Variants in PI4KA observed in about 807,000 individuals in gnomAD.
PI4KA encodes the protein phosphatidylinositol 4-kinase alpha, also known as PI4-kinase alpha.
In PI4KA, 122 loss-of-function variants were observed where a neutral mutation model predicts 271.4. The ratio of observed to expected loss-of-function variants is 0.45; its 90% confidence interval spans 0.39 to 0.52. The LOEUF is 0.52. Among genes scored for constraint, PI4KA ranks in the 20% least tolerant of loss-of-function variants. PI4KA has a pLI of 0.00. For synonymous variants in PI4KA, 1,041 were observed against 1,078.8 expected, an observed-to-expected ratio of 0.96 and a Z score of 0.69; for missense variants, 1,969 against 2,769.1, an observed-to-expected ratio of 0.71 and a Z score of 6.48.
intron 1 of PI4KA, among the ~76,000 whole-genome samples, chr22:20,850,438 A>AT (rs1457114185): frequency 2.8e-5 from 4 of 141,222 alleles, no homozygotes; most frequent in East Asian, 2.2e-4. Context: ...ATAAATACTC[A>AT]TTTAAAAAAA....
At chr22:20,708,434 C>G (rs1924794074) in intron 54 of PI4KA, among the ~76,000 whole-genome samples, 1 of 150,414 alleles carries the variant, frequency 6.6e-6, no homozygotes, top group African/African-American at 2.5e-5. Context: ...CCCTTCTCGC[C>G]CTGCCCCAGC....
chr22:20,799,594 A>T (rs1471595167), intron 15 of PI4KA, 77 bp downstream of exon 15: 1 of 976,144 alleles, frequency 1.0e-6, no homozygotes, highest in Admixed American at 2.0e-5. Context: ...AGGCATGCAT[A>T]CGCACAATGC....
chr22:20,827,177 T>C (rs4822560), intron 3 of PI4KA, among the ~76,000 whole-genome samples: 16,894 of 152,272 alleles, frequency 0.11, 1,315 homozygotes, highest in Admixed American at 0.23. Context: ...AGGGTGTTTA[T>C]AGTTTAAGGT....
chr22:20,726,332 A>G (rs2147223163), intron 42 of PI4KA, 156 bp downstream of exon 42: 2 of 560,178 alleles, frequency 3.6e-6, no homozygotes, highest in African/African-American at 4.0e-5. Context: ...AGGGACAATC[A>G]CAGGGCCTGG....
At position 20,799,131 on chromosome 22, in the gene PI4KA, T is replaced by G; in HGVS notation, c.1966A>C (p.Ile656Leu). ...CQPPSPLDVLIIDQLGCLVIT... is the reference protein window; with the variant it reads ...CQPPSPLDVLLIDQLGCLVIT... The stretch of plus-strand genomic sequence containing the variant: ...ACCAGGCAGCCCAGCTGGTCAATAA[T>G]CAGCACATCGAGGGGGGAGGGTGGC... Residue 656 changes from isoleucine to leucine, a missense_variant, in exon 16 of 55, where the codon ATT becomes CTT. This residue lies in a region of PI4KA where 228 missense variants were observed against 261.6 expected (regional missense o/e 0.87). Transcript: ENST00000255882. 3 of 1,613,492 alleles carry G rather than the reference T, an allele frequency of 1.9e-6. No individual in the cohort carries two copies. Among genetic ancestry groups the G allele is most frequent in the Non-Finnish European group, 2.5e-6 (3 of 1,179,792 alleles).
At chr22:20,828,487 G>A (rs917394851) in intron 3 of PI4KA, among the ~76,000 whole-genome samples, 2 of 152,088 alleles carry the variant, frequency 1.3e-5, no homozygotes, top group African/African-American at 4.8e-5. Context: ...TGATGGCTAT[G>A]GGTTTGTCAT....
At chr22:20,830,552 T>C (rs975837840) in intron 3 of PI4KA, among the ~76,000 whole-genome samples, 3 of 152,188 alleles carry the variant, frequency 2.0e-5, no homozygotes, top group Non-Finnish European at 4.4e-5. Context: ...TATGTGGGAT[T>C]GGTCTCTTAA....
chr22:20,858,768 G>T lies in PI4KA; in HGVS notation c.-43C>A, dbSNP rs1928007892. Reference sequence around the variant, plus strand: ...CGCTGCCCGCCGGCTCCCCGCTCCTGGCCCGCGAGCGCCCGACCTCAGGGC... The same window carrying T: ...CGCTGCCCGCCGGCTCCCCGCTCCTTGCCCGCGAGCGCCCGACCTCAGGGC... On this transcript the variant is annotated 5_prime_UTR_variant, in exon 1 of 55. Transcript: ENST00000255882. The T allele has an allele frequency of 7.3e-7, 1 of 1,371,098 alleles. No individual in the cohort carries two copies. Among genetic ancestry groups the T allele is most frequent in the Non-Finnish European group, 9.4e-7 (1 of 1,058,528 alleles). The allele number at this position is 1,371,098 out of a possible 1,614,324, so 84.9% of individuals were successfully genotyped here. A position where few individuals can be genotyped will look rare whatever the true frequency, so the allele number is the denominator to read the frequency against.
chr22:20,806,109 G>A (rs1019632555), intron 10 of PI4KA, among the ~76,000 whole-genome samples: 3 of 152,058 alleles, frequency 2.0e-5, no homozygotes, highest in African/African-American at 7.3e-5. Context: ...CCCTTGCCGT[G>A]GCCCAGATGA....
chr22:20,736,103 C>G (rs945120114), intron 32 of PI4KA, among the ~76,000 whole-genome samples: 2 of 151,998 alleles, frequency 1.3e-5, no homozygotes, highest in Non-Finnish European at 2.9e-5. Flanking sequence ...TGCGAGTGAG[C>G]GTGTGACAGA....
At chr22:20,839,340 C>T (rs1330333887) in intron 1 of PI4KA, among the ~76,000 whole-genome samples, 3 of 152,156 alleles carry the variant, frequency 2.0e-5, no homozygotes, top group African/African-American at 7.2e-5. Context: ...CAATTGTACA[C>T]GTGCCCCTCA....
chr22:20,712,838 C>A lies in PI4KA; in HGVS notation c.5572-41G>T, dbSNP rs1243739650. 3 of 1,550,700 alleles carry A rather than the reference C, an allele frequency of 1.9e-6. No homozygotes were observed. In the South Asian group the frequency reaches 3.6e-5, roughly 18 times the overall value. On this transcript the variant is annotated intron_variant, in intron 48 of 54. Transcript: ENST00000255882. ...GCGCAGGATGCGGTCAGTTGGCGTC[C>A]TTGCACCCCAGCAGCTCTTCTGGCT...
intron 47 of PI4KA, 115 bp downstream of exon 47, chr22:20,714,343 G>A: frequency 1.3e-6 from 2 of 1,500,150 alleles, no homozygotes; most frequent in Non-Finnish European, 8.9e-7. Flanking sequence ...GCAGACAGAT[G>A]GACAGACATC....
intron 32 of PI4KA, among the ~76,000 whole-genome samples, chr22:20,740,207 T>C (rs1218221682): frequency 6.6e-6 from 1 of 151,302 alleles, no homozygotes; most frequent in African/African-American, 2.4e-5. Context: ...ATATACAAGA[T>C]GGTTTTACAG....
At chr22:20,716,348 G>T (rs753194192) in intron 45 of PI4KA, among the ~76,000 whole-genome samples, 7 of 152,246 alleles carry the variant, frequency 4.6e-5, no homozygotes, top group African/African-American at 1.7e-4. Flanking sequence ...CACCGCACCC[G>T]GCCCAGGCTC....
At chr22:20,826,863 A>G (rs1320988411) in intron 3 of PI4KA, among the ~76,000 whole-genome samples, 1 of 151,704 alleles carries the variant, frequency 6.6e-6, no homozygotes, top group Non-Finnish European at 1.5e-5. Flanking sequence ...TCTTTTGAGA[A>G]GTATCTATTC....
chr22:20,807,337 A>G, intron 10 of PI4KA, 25 bp downstream of exon 10: 1 of 1,476,150 alleles, frequency 6.8e-7, no homozygotes, highest in Non-Finnish European at 9.5e-7. Context: ...CTGTACTCAC[A>G]AACACATGGG....
chr22:20,815,745 C>T (rs1299197607), intron 7 of PI4KA, among the ~76,000 whole-genome samples: 3 of 151,842 alleles, frequency 2.0e-5, no homozygotes, highest in Non-Finnish European at 4.4e-5. Context: ...GAGAAACAGC[C>T]GGATTAAAAA....
At position 20,845,147 on chromosome 22, in the gene PI4KA, A is replaced by G. The variant is rs182064447; in HGVS notation, c.157-6416T>C. Reference sequence around the variant, plus strand: ...AATATGACTGACTTAGACTTTGATAAGAACTCTTGGCAATACTTTAACCCA... The same window carrying G: ...AATATGACTGACTTAGACTTTGATAGGAACTCTTGGCAATACTTTAACCCA... On this transcript the variant is annotated intron_variant, in intron 1 of 54. Transcript: ENST00000255882. Among the ~76,000 whole-genome samples the G allele has an allele frequency of 3.9e-5, 6 of 152,328 alleles. No individual in the cohort carries two copies. In the East Asian group the frequency reaches 1.2e-3, roughly 29 times the overall value.
Sources: gnomAD v4.1 joint callset for allele counts (sites outside exome capture counted in the v4.1 genomes callset) on GRCh38, gnomAD v4.1.1 for gene constraint, gnomAD v4.1.1 regional missense constraint, MANE v1.5 for transcripts, NCBI Gene and HGNC (gene_info 2026-07-23, HGNC 2026-07-21) for gene names.